Variants in USP22 observed in about 807,000 individuals in gnomAD.
The protein encoded by USP22 is ubiquitin specific peptidase 22.
A neutral mutation model predicts 68.1 loss-of-function variants in USP22; 22 were observed. The ratio of observed to expected loss-of-function variants is 0.32; its 90% CI spans 0.23 to 0.46. USP22 has a LOEUF of 0.46. Ranked by LOEUF, USP22 falls within the 20% of genes least tolerant of loss-of-function variation. The pLI, the probability that USP22 is intolerant of heterozygous loss-of-function variation, is 1.00. For missense variants in USP22, 433 were observed against 695.8 expected, an observed-to-expected ratio of 0.62 and a Z score of 4.25; for synonymous variants, 279 against 274.2, an observed-to-expected ratio of 1.02 and a Z score of -0.17.
Position 21,001,831 on chromosome 17 carries a change from A to AAGATATGTATCT in USP22, c.*1199_*1200insAGATACATATCT. 1 of 152,258 alleles carries AAGATATGTATCT rather than the reference A, an allele frequency of 6.6e-6. No individual in the cohort carries two copies. The highest frequency in any genetic ancestry group is 1.5e-5 in the Non-Finnish European group (1 of 68,038). The allele number at this position is 152,258 out of a possible 1,614,324, so 9.4% of individuals were successfully genotyped here. On this transcript the variant is annotated 3_prime_UTR_variant, in exon 13 of 13. Coordinates refer to ENST00000261497, the MANE Select transcript of USP22 (RefSeq NM_015276.2). ...TGTTTGAATTTGAATACACAGATAC[A>AAGATATGTATCT]TGCAAGATATCTTACAAGAAACAAT...
intron 1 of USP22, among the ~76,000 whole-genome samples, chr17:21,034,234 AC>A (rs145461467): frequency 1.6e-4 from 25 of 152,238 alleles, no homozygotes; most frequent in African/African-American, 6.0e-4. Flanking sequence ...CTTTCAATTT[AC>A]AGAAGGGGTA....
chr17:21,025,581 C>T (rs1972209473), intron 2 of USP22, among the ~76,000 whole-genome samples: 1 of 152,260 alleles, frequency 6.6e-6, no homozygotes. Flanking sequence ...AGCACCAAGA[C>T]GATGGGAACA....
intron 1 of USP22, among the ~76,000 whole-genome samples, chr17:21,030,864 A>T (rs2143621961): frequency 6.6e-6 from 1 of 152,380 alleles, no homozygotes; most frequent in East Asian, 1.9e-4. Flanking sequence ...TCAGGTATTT[A>T]AAGTTGGACA....
chr17:21,004,918 C>T lies in USP22; in HGVS notation c.1385+10G>A, dbSNP rs113009444. On this transcript the variant is annotated intron_variant, in intron 11 of 12. Coordinates refer to ENST00000261497, the MANE Select transcript of USP22 (RefSeq NM_015276.2). The stretch of plus-strand genomic sequence containing the variant: ...GGCCCTGGACACCCACACCGCTAAG[C>T]ACCACTTACTTGTTGTCATTGTTGA... 1.2e-6 allele frequency: 2 copies of T among 1,613,986 alleles called. No individual in the cohort carries two copies. The highest frequency in any genetic ancestry group is 3.3e-5 in the Admixed American group (2 of 59,988).
At chr17:21,033,981 T>C (rs1972324491) in intron 1 of USP22, among the ~76,000 whole-genome samples, 2 of 151,890 alleles carry the variant, frequency 1.3e-5, no homozygotes, top group Admixed American at 6.6e-5. Context: ...ACTACTGACC[T>C]CAAGTGATCC....
chr17:21,016,000 G>C, intron 5 of USP22, 101 bp from the exon 6 acceptor site: 1 of 1,401,364 alleles, frequency 7.1e-7, no homozygotes, highest in Non-Finnish European at 9.5e-7. Context: ...ACCATTGGCT[G>C]TGGCTCATTT....
In USP22 at chr17:21,001,432, T is replaced by C. The variant is rs918997377; in HGVS notation, c.*1599A>G. On this transcript the variant is annotated 3_prime_UTR_variant, in exon 13 of 13. Coordinates refer to ENST00000261497, the MANE Select transcript of USP22 (RefSeq NM_015276.2). ...TTCTCCATGGCCTGTGAGCTAAGAA[T>C]AGGTTTCACGTTTTTAAATAGTTAA... 7 of 152,180 alleles carry C rather than the reference T, an allele frequency of 4.6e-5. No individual in the cohort carries two copies. Among genetic ancestry groups the C allele is most frequent in the African/African-American group, 7.2e-5 (3 of 41,434 alleles). The allele number at this position is 152,180 out of a possible 1,614,324, so 9.4% of individuals were successfully genotyped here.
intron 6 of USP22, 123 bp downstream of exon 6, chr17:21,015,629 T>C (rs1486211441): frequency 3.7e-6 from 5 of 1,333,814 alleles, no homozygotes; most frequent in East Asian, 2.6e-5. Context: ...AGGGCTATGA[T>C]GACAAAACAA....
chr17:21,012,559 T>C lies in USP22; in HGVS notation c.944+271A>G, dbSNP rs149117812. 3.2e-4 allele frequency among the ~76,000 whole-genome samples: 49 copies of C among 152,036 alleles called. No homozygotes were observed. In the East Asian group the frequency reaches 8.1e-3, roughly 25 times the overall value. ...TCAAGGACTGTAAGATGCAAAATGG[T>C]AGGGGAAGCTTCCAAGAACACACTG... is the stretch of plus-strand genomic sequence containing the variant. On this transcript the variant is annotated intron_variant, in intron 7 of 12. Transcript: ENST00000261497.
chr17:21,012,648 C>G (rs1383508212), intron 7 of USP22, among the ~76,000 whole-genome samples, 182 bp downstream of exon 7: 1 of 151,692 alleles, frequency 6.6e-6, no homozygotes, highest in African/African-American at 2.4e-5. Flanking sequence ...GACACCTGCC[C>G]TACGACCTCC....
chr17:21,025,830 G>C (rs2143603908), intron 2 of USP22, among the ~76,000 whole-genome samples: 1 of 152,170 alleles, frequency 6.6e-6, no homozygotes, highest in Non-Finnish European at 1.5e-5. Flanking sequence ...AAGTCACCAA[G>C]GGACAGGAGA....
chr17:21,006,724 C>T, intron 10 of USP22, 172 bp downstream of exon 10: 1 of 411,308 alleles, frequency 2.4e-6, no homozygotes, highest in Non-Finnish European at 4.5e-6. Context: ...ATGATGGTCT[C>T]AATCTGTTGA....
chr17:21,036,677 G>A (rs1016857076), intron 1 of USP22, among the ~76,000 whole-genome samples: 1 of 152,134 alleles, frequency 6.6e-6, no homozygotes, highest in African/African-American at 2.4e-5. Flanking sequence ...AAACTGGAGG[G>A]GAAGGCTAGA....
At chr17:21,042,621 G>T (rs570396003) in intron 1 of USP22, 44 bp downstream of exon 1, 2 of 1,257,152 alleles carry the variant, frequency 1.6e-6, no homozygotes, top group South Asian at 5.6e-5. Flanking sequence ...CTCAGGAGCG[G>T]CAGAAGGCCC....
chr17:21,028,749 G>A lies in USP22; in HGVS notation c.172-75C>T, dbSNP rs1433342996. The stretch of plus-strand genomic sequence containing the variant: ...TGCTCAGAGGAAACAGTCAAGCAAA[G>A]CATCCCCCCGAGACAGCTACTGGAA... On this transcript the variant is annotated intron_variant, in intron 1 of 12. Transcript: ENST00000261497. 3.3e-6 allele frequency: 5 copies of A among 1,532,616 alleles called. No homozygotes were observed. In the Admixed American group the frequency reaches 6.0e-5, roughly 18 times the overall value. 94.9% of individuals were successfully genotyped at this position (1,532,616 alleles called of 1,614,324 possible).
chr17:21,038,024 T>C (rs553791142), intron 1 of USP22, among the ~76,000 whole-genome samples: 1 of 152,328 alleles, frequency 6.6e-6, no homozygotes, highest in South Asian at 2.1e-4. Flanking sequence ...AGACCCCACT[T>C]AGTATGAATG....
At chr17:21,006,763 G>T (rs1567789888) in intron 10 of USP22, 133 bp downstream of exon 10, 4 of 605,332 alleles carry the variant, frequency 6.6e-6, no homozygotes, top group Non-Finnish European at 1.1e-5. Context: ...TCGACCTCCT[G>T]AAGTGCTGGG....
intron 8 of USP22, among the ~76,000 whole-genome samples, chr17:21,010,230 G>C (rs923396926): frequency 1.3e-5 from 2 of 152,142 alleles, no homozygotes; most frequent in Admixed American, 6.5e-5. Context: ...CCAAAGGCTC[G>C]TACCTCTTCT....
intron 1 of USP22, 37 bp downstream of exon 1, chr17:21,042,628 G>A (rs1423433874): frequency 1.6e-5 from 20 of 1,258,000 alleles, no homozygotes; most frequent in Non-Finnish European, 1.8e-5. Flanking sequence ...GCGGCAGAAG[G>A]CCCCGAGCCC....
Sources: gnomAD v4.1 joint callset for allele counts (sites outside exome capture counted in the v4.1 genomes callset) on GRCh38, gnomAD v4.1.1 for gene constraint, MANE v1.5 for transcripts, NCBI Gene and HGNC (gene_info 2026-07-23, HGNC 2026-07-21) for gene names.